SARDH: variants seen among roughly 807,000 people sequenced by gnomAD.
SARDH encodes the protein sarcosine dehydrogenase.
Under a neutral mutation model 109.1 loss-of-function variants are expected in SARDH, and 95 were observed. The ratio of observed to expected loss-of-function variants is 0.87; its 90% confidence interval spans 0.74 to 1.03. The LOEUF (loss-of-function observed/expected upper bound fraction) is 1.03. Among genes scored for constraint, SARDH ranks in the 50% least tolerant of loss-of-function variants. The pLI, the probability that SARDH is intolerant of heterozygous loss-of-function variation, is 0.00. For missense variants in SARDH, 1,267 were observed against 1,287.8 expected (o/e 0.98, Z 0.25); for synonymous variants, 572 against 534.8 (o/e 1.07, Z -0.96).
At position 133,709,745 on chromosome 9, in the gene SARDH, C is replaced by T. The variant is rs548576969; in HGVS notation, c.1329-1317G>A. Among the ~76,000 whole-genome samples, 1 of 152,290 alleles carries T rather than the reference C, an allele frequency of 6.6e-6. No individual in the cohort carries two copies. The highest frequency in any genetic ancestry group is 2.1e-4 in the South Asian group (1 of 4,824). The stretch of plus-strand genomic sequence containing the variant: ...AGTGCTGCTGTGGGAGGAAATCCCT[C>T]TCTCTTTGTCCCCAGAGCTGCCTTC... On this transcript the variant is annotated intron_variant, in intron 10 of 20. Transcript: ENST00000439388. The surrounding 1 kb of genome is among the most constrained non-coding windows in gnomAD (Gnocchi z 4.2).
chr9:133,681,842 CCT>C (rs2131360691), intron 17 of SARDH, among the ~76,000 whole-genome samples: 1 of 152,290 alleles, frequency 6.6e-6, no homozygotes, highest in South Asian at 2.1e-4. Context: ...CTCCCCGCCG[CCT>C]ATTTCCTGTG....
chr9:133,735,055 A>T (rs549222043), intron 1 of SARDH, among the ~76,000 whole-genome samples: 15 of 152,220 alleles, frequency 9.9e-5, no homozygotes, highest in Non-Finnish European at 2.1e-4. Flanking sequence ...GAGAGCCAGG[A>T]GGAGGGAGAG....
At position 133,663,956 on chromosome 9, in the gene SARDH, T is replaced by C. The variant is rs751129297; in HGVS notation, c.2690A>G (p.Tyr897Cys). The C allele has an allele frequency of 8.1e-6, 13 of 1,614,052 alleles. No individual in the cohort carries two copies. The highest frequency in any genetic ancestry group is 5.5e-5 in the South Asian group (5 of 91,086). Reference protein sequence around the residue: ...DYALERMGVTYGAQAHLKSPF... With the variant: ...DYALERMGVTCGAQAHLKSPF... ...CGACTTCAGGTGAGCCTGGGCACCATAGGTCACCCCCATTCTCTCCAGGGC... is the reference window on the plus strand; with the variant it reads ...CGACTTCAGGTGAGCCTGGGCACCACAGGTCACCCCCATTCTCTCCAGGGC... The change falls in exon 21 of 21, where the codon TAT becomes TGT. Residue 897 changes from tyrosine (Y) to cysteine (C), a missense_variant. Physicochemically the swap from Tyr to Cys is radical, Grantham distance 194. Coordinates refer to ENST00000439388, the MANE Select transcript of SARDH (RefSeq NM_001134707.2).
At chr9:133,662,719 G>T (rs956148889), downstream of SARDH, among the ~76,000 whole-genome samples, 1 of 152,214 alleles carries the variant, frequency 6.6e-6, no homozygotes, top group African/African-American at 2.4e-5. The surrounding 1 kb of genome is among the most constrained non-coding windows in gnomAD (Gnocchi z 5.1). Context: ...ATCGCTGTTT[G>T]CTGTGTGTGT....
Position 133,663,978 on chromosome 9 carries a change from G to A in SARDH, c.2668C>T (p.Leu890=). ...LDFVKSGDYA[L]ERMGVTYGAQ... ...CCATAGGTCACCCCCATTCTCTCCA[G>A]GGCATAGTCCCCGCTCTTCACAAAG... Residue 890 remains leucine (L), a synonymous_variant, in exon 21 of 21, where the codon CTG becomes TTG. Transcript: ENST00000439388. The A allele has an allele frequency of 6.2e-7, 1 of 1,614,180 alleles. No individual in the cohort carries two copies. Among genetic ancestry groups the A allele is most frequent in the Non-Finnish European group, 8.5e-7 (1 of 1,180,028 alleles).
chr9:133,733,499 G>A (rs758001209), intron 2 of SARDH, among the ~76,000 whole-genome samples: 2 of 152,182 alleles, frequency 1.3e-5, no homozygotes, highest in Non-Finnish European at 1.5e-5. Flanking sequence ...GTCCCCGTCC[G>A]TCCTTCTCCA....
intron 6 of SARDH, among the ~76,000 whole-genome samples, chr9:133,727,737 C>T (rs753433566): frequency 1.1e-4 from 17 of 152,180 alleles, no homozygotes; most frequent in Admixed American, 2.6e-4. Context: ...ACCAGAGGCA[C>T]GCTGGGATCT....
intron 6 of SARDH, among the ~76,000 whole-genome samples, chr9:133,722,922 G>A (rs1832377096): frequency 6.6e-6 from 1 of 152,196 alleles, no homozygotes; most frequent in South Asian, 2.1e-4. Context: ...GCTTCCCAAA[G>A]TGCTGGGATT....
At chr9:133,665,695 C>T (rs1050568773) in intron 20 of SARDH, among the ~76,000 whole-genome samples, 3 of 152,232 alleles carry the variant, frequency 2.0e-5, no homozygotes, top group South Asian at 4.1e-4. Flanking sequence ...TGGTCTTGCC[C>T]GAGGCCTGGC....
Position 133,717,387 on chromosome 9 carries a change from G to T in SARDH, c.1089C>A (p.Gly363=), listed in dbSNP as rs148949696. 21 of 1,614,134 alleles carry T rather than the reference G, an allele frequency of 1.3e-5. No homozygotes were observed. Among genetic ancestry groups the T allele is most frequent in the Non-Finnish European group, 1.7e-5 (20 of 1,180,006 alleles). The change falls in exon 8 of 21, where the codon GGC becomes GGA. Residue 363 remains glycine, a synonymous_variant. Coordinates refer to ENST00000439388, the MANE Select transcript of SARDH (RefSeq NM_001134707.2). ...DWEVFTQHIE[G]AINRVPVLEK... ...CCAGCACGGGGACCCTGTTGATGGC[G>T]CCTTCAATGTGCTGGGTGAACACCT... is the stretch of plus-strand genomic sequence containing the variant.
In SARDH at chr9:133,696,340, A is replaced by G; in HGVS notation, c.1690T>C (p.Cys564Arg). ...TCAAACACAGCGGCGGCCCCTCTGC[A>G]GGCCAGGCACTCCTTCTTGATCTGA... ...HDTIKKECLACRGAAAVFDMS... is the reference protein window; with the variant it reads ...HDTIKKECLARRGAAAVFDMS... Residue 564 changes from cysteine to arginine, a missense_variant, in exon 14 of 21, where the codon TGC (cysteine) becomes CGC (arginine). Physicochemically the swap from Cys to Arg is radical, Grantham distance 180. Coordinates refer to ENST00000439388, the MANE Select transcript of SARDH (RefSeq NM_001134707.2). 1 of 1,614,098 alleles carries G rather than the reference A, an allele frequency of 6.2e-7. No homozygotes were observed. Among genetic ancestry groups the G allele is most frequent in the African/African-American group, 1.3e-5 (1 of 75,060 alleles).
Position 133,693,916 on chromosome 9 carries a change from C to T in SARDH, c.1921+342G>A, listed in dbSNP as rs996128013. 1.3e-5 allele frequency among the ~76,000 whole-genome samples: 2 copies of T among 152,228 alleles called. No individual in the cohort carries two copies. Among genetic ancestry groups the T allele is most frequent in the Non-Finnish European group, 2.9e-5 (2 of 68,042 alleles). ...CAAGGATGTCAGTGGCAGAAAGGAG[C>T]TGACTGCTTTGAGTGGGAGGCACGG... On this transcript the variant is annotated intron_variant, in intron 15 of 20. Coordinates refer to ENST00000439388, the MANE Select transcript of SARDH (RefSeq NM_001134707.2). The surrounding 1 kb of genome is among the most constrained non-coding windows in gnomAD (Gnocchi z 5.6).
chr9:133,679,672 G>A (rs1243373622), intron 17 of SARDH, among the ~76,000 whole-genome samples: 3 of 152,226 alleles, frequency 2.0e-5, no homozygotes, highest in Non-Finnish European at 2.9e-5. Flanking sequence ...GCTGGCTGCT[G>A]AGCGGACAAT....
chr9:133,659,782 C>T (rs1332175769), downstream of SARDH, among the ~76,000 whole-genome samples: 1 of 152,082 alleles, frequency 6.6e-6, no homozygotes, highest in African/African-American at 2.4e-5. Flanking sequence ...TGCCAGGCCC[C>T]AGCCTGGAGA....
chr9:133,665,073 G>A (rs1334822672), intron 20 of SARDH, among the ~76,000 whole-genome samples: 4 of 150,758 alleles, frequency 2.7e-5, no homozygotes, highest in Non-Finnish European at 5.9e-5. Context: ...GGGTGAGGTG[G>A]GTGTGACTGT....
At chr9:133,713,784 C>T (rs1832019198) in intron 8 of SARDH, among the ~76,000 whole-genome samples, 1 of 152,186 alleles carries the variant, frequency 6.6e-6, no homozygotes, top group South Asian at 2.1e-4. Flanking sequence ...TGGCATTGGG[C>T]GAGTCACTTC....
At chr9:133,738,448 C>A (rs1160653571), upstream of SARDH, 1 of 152,278 alleles carries the variant, frequency 6.6e-6, no homozygotes, top group East Asian at 1.9e-4. Flanking sequence ...TCTAGGCCAG[C>A]TTAGTTGGGG....
intron 6 of SARDH, among the ~76,000 whole-genome samples, chr9:133,727,650 G>A (rs796847353): frequency 3.3e-5 from 5 of 152,346 alleles, no homozygotes; most frequent in African/African-American, 1.2e-4. Context: ...GGCTTTGTGC[G>A]AAGCCCCAGA....
upstream of SARDH, among the ~76,000 whole-genome samples, chr9:133,738,955 G>A (rs1414510831): frequency 1.3e-5 from 2 of 152,194 alleles, no homozygotes; most frequent in Admixed American, 6.5e-5. Context: ...TGCACAGCAC[G>A]TAGCCCCCAG....
Sources: gnomAD v4.1 joint callset for allele counts (sites outside exome capture counted in the v4.1 genomes callset) on GRCh38, gnomAD v4.1.1 for gene constraint, Gnocchi (gnomAD v3.1) non-coding constraint, MANE v1.5 for transcripts, NCBI Gene and HGNC (gene_info 2026-07-23, HGNC 2026-07-21) for gene names.